Variants in SLC30A9 observed in about 807,000 individuals in gnomAD.
SLC30A9 encodes solute carrier family 30 member 9, also known as proton-coupled zinc antiporter SLC30A9, mitochondrial.
Under a neutral mutation model 87.5 loss-of-function variants are expected in SLC30A9, and 58 were observed. The ratio of observed to expected loss-of-function variants is 0.66; its 90% confidence interval spans 0.54 to 0.82. The LOEUF is 0.82. Among genes scored for constraint, SLC30A9 ranks in the 40% least tolerant of loss-of-function variants. The pLI is 0.00. For missense variants in SLC30A9, 557 were observed against 679.1 expected, an observed-to-expected ratio of 0.82 and a Z score of 2.00; for synonymous variants, 234 against 233.0, an observed-to-expected ratio of 1.00 and a Z score of -0.04.
intron 4 of SLC30A9, among the ~76,000 whole-genome samples, chr4:42,022,402 A>G (rs1716005611): frequency 6.7e-6 from 1 of 148,534 alleles, no homozygotes. Flanking sequence ...TAATTTTTGT[A>G]TTTTTTTTTA....
At chr4:42,012,872 C>T (rs1313628955) in intron 2 of SLC30A9, among the ~76,000 whole-genome samples, 1 of 152,008 alleles carries the variant, frequency 6.6e-6, no homozygotes, top group East Asian at 1.9e-4. Flanking sequence ...ATCCAAGAGA[C>T]AACAAAGAAC....
chr4:42,083,428 T>C (rs78798693), intron 17 of SLC30A9, among the ~76,000 whole-genome samples: 1,685 of 152,324 alleles, frequency 0.011, 26 homozygotes, highest in African/African-American at 0.039. Flanking sequence ...TAAATATTAG[T>C]TTCTACTATA....
At position 42,066,519 on chromosome 4, in the gene SLC30A9, T is replaced by C; in HGVS notation, c.1073-31T>C. On this transcript the variant is annotated intron_variant, in intron 12 of 17. Coordinates refer to ENST00000264451, the MANE Select transcript of SLC30A9 (RefSeq NM_006345.4). ...TTAAAGTTTGGAGGCATGAAGTTTC[T>C]GTCTTGCTGATATGAATGCTTTTCT... 3.4e-6 allele frequency: 5 copies of C among 1,474,178 alleles called. No individual in the cohort carries two copies. In the South Asian group the frequency reaches 3.7e-5, roughly 11 times the overall value. 91.3% of individuals were successfully genotyped at this position (1,474,178 alleles called of 1,614,324 possible).
At position 42,089,188 on chromosome 4, in the gene SLC30A9, A is replaced by G. The variant is rs910667397; in HGVS notation, c.*3062A>G. ...TCCTTCTTGCCCAAAACTAAAATCT[A>G]GGATTTATCAAAGGTGAGGTATACA... is the stretch of plus-strand genomic sequence containing the variant. On this transcript the variant is annotated 3_prime_UTR_variant, in exon 18 of 18. Transcript: ENST00000264451. 2.6e-5 allele frequency: 4 copies of G among 152,304 alleles called. No homozygotes were observed. Among genetic ancestry groups the G allele is most frequent in the South Asian group, 4.1e-4 (2 of 4,822 alleles). 9.4% of individuals were successfully genotyped at this position (152,304 alleles called of 1,614,324 possible).
intron 17 of SLC30A9, among the ~76,000 whole-genome samples, chr4:42,085,824 G>A (rs1718904752): frequency 6.6e-6 from 1 of 151,654 alleles, no homozygotes; most frequent in Non-Finnish European, 1.5e-5. Context: ...TGCTTGGCAT[G>A]TACTAGATCC....
intron 8 of SLC30A9, among the ~76,000 whole-genome samples, chr4:42,044,627 A>C (rs1161349334): frequency 6.6e-6 from 1 of 152,190 alleles, no homozygotes; most frequent in Non-Finnish European, 1.5e-5. Flanking sequence ...GGACACTTTA[A>C]CCCCTCATTG....
At chr4:41,993,681 C>T (rs895844208) in intron 1 of SLC30A9, among the ~76,000 whole-genome samples, 9 of 152,018 alleles carry the variant, frequency 5.9e-5, no homozygotes, top group Non-Finnish European at 1.3e-4. Flanking sequence ...TGCCCTCTGA[C>T]CTAACAGTTT....
rs113466223 is a variant in SLC30A9, at chr4:42,017,684, T to C, written c.275-427T>C. 9.0e-3 allele frequency among the ~76,000 whole-genome samples: 1,368 copies of C among 152,222 alleles called. 22 individuals carry two copies. The highest frequency in any genetic ancestry group is 0.032 in the African/African-American group (1,316 of 41,546). On this transcript the variant is annotated intron_variant, in intron 2 of 17. Coordinates refer to ENST00000264451, the MANE Select transcript of SLC30A9 (RefSeq NM_006345.4). Reference sequence around the variant, plus strand: ...CCACTTAATAATCATTCTTTATTGATTGAATGGTATCTCTGGTACAGTTTT... The same window carrying C: ...CCACTTAATAATCATTCTTTATTGACTGAATGGTATCTCTGGTACAGTTTT...
rs148664683 is a variant in SLC30A9, at chr4:41,999,612, C to A, written c.110-2004C>A. Among the ~76,000 whole-genome samples, 467 of 152,060 alleles carry A rather than the reference C, an allele frequency of 3.1e-3. 2 individuals carry two copies. Among genetic ancestry groups the A allele is most frequent in the Non-Finnish European group, 4.7e-3 (320 of 67,948 alleles). On this transcript the variant is annotated intron_variant, in intron 1 of 17. Coordinates refer to ENST00000264451, the MANE Select transcript of SLC30A9 (RefSeq NM_006345.4). ...CCATAGGAATTCAGTCAGCAAAATT[C>A]AGCCTGGGAAACTACCAGGACAAAA...
chr4:42,003,541 T>C lies in SLC30A9; in HGVS notation c.274+1761T>C, dbSNP rs183867541. ...TGATGAATTATTCCCTCTATCATTG[T>C]GCAGCTACTGTTTTTCTTTAGTGAG... is the stretch of plus-strand genomic sequence containing the variant. On this transcript the variant is annotated intron_variant, in intron 2 of 17. Coordinates refer to ENST00000264451, the MANE Select transcript of SLC30A9 (RefSeq NM_006345.4). Among the ~76,000 whole-genome samples, 157 of 152,288 alleles carry C rather than the reference T, an allele frequency of 1.0e-3. 1 individual carries two copies. The highest frequency in any genetic ancestry group is 3.7e-3 in the African/African-American group (152 of 41,578).
At position 42,066,622 on chromosome 4, in the gene SLC30A9, G is replaced by T. The variant is rs750655715; in HGVS notation, c.1144+1G>T. The T allele has an allele frequency of 1.9e-6, 3 of 1,600,172 alleles. No individual in the cohort carries two copies. Among genetic ancestry groups the T allele is most frequent in the Non-Finnish European group, 2.6e-6 (3 of 1,170,280 alleles). ...AAAGGAATGTCATTTTACAAGTATG[G>T]TATGTATTTTAGAAACCAAGTGTTT... On this transcript the variant is annotated splice_donor_variant, in intron 13 of 17. Coordinates refer to ENST00000264451, the MANE Select transcript of SLC30A9 (RefSeq NM_006345.4). LOFTEE classifies it high-confidence loss of function.
chr4:42,062,734 C>G (rs759963055), intron 10 of SLC30A9, among the ~76,000 whole-genome samples: 7 of 152,142 alleles, frequency 4.6e-5, no homozygotes, highest in Non-Finnish European at 1.0e-4. Flanking sequence ...CTCTCTAAAT[C>G]AAAATAGGCT....
chr4:42,039,729 G>A (rs1029438329), intron 8 of SLC30A9, among the ~76,000 whole-genome samples: 1 of 152,052 alleles, frequency 6.6e-6, no homozygotes, highest in Admixed American at 6.6e-5. Flanking sequence ...CCAAAGTGCT[G>A]GGATTACAGG....
intron 9 of SLC30A9, among the ~76,000 whole-genome samples, chr4:42,057,179 A>AG (rs1461380961): frequency 3.3e-5 from 5 of 152,130 alleles, no homozygotes; most frequent in Admixed American, 6.5e-5. Flanking sequence ...TGGGATATGG[A>AG]GGGCAATGGC....
chr4:42,007,672 G>A (rs1715271343), intron 2 of SLC30A9, among the ~76,000 whole-genome samples: 2 of 152,086 alleles, frequency 1.3e-5, no homozygotes, highest in Non-Finnish European at 1.5e-5. Context: ...CAGGAGAATC[G>A]CTCGAACCCA....
intron 3 of SLC30A9, chr4:42,018,573 T>C (rs2153135055): frequency 2.2e-6 from 1 of 450,614 alleles, no homozygotes; most frequent in East Asian, 8.6e-5. Context: ...TGTTTGTAGC[T>C]CTCTTCTGTA....
At chr4:42,062,786 T>C (rs1020618628) in intron 10 of SLC30A9, among the ~76,000 whole-genome samples, 200 bp from the exon 11 acceptor site, 2 of 152,226 alleles carry the variant, frequency 1.3e-5, no homozygotes, top group African/African-American at 4.8e-5. Flanking sequence ...TAAATGGTAT[T>C]CACTTTATGT....
chr4:42,065,259 T>C (rs375956527), intron 11 of SLC30A9, 51 bp from the exon 12 acceptor site: 6 of 920,628 alleles, frequency 6.5e-6, no homozygotes, highest in Non-Finnish European at 1.1e-5. Flanking sequence ...ATATGAACAA[T>C]TGTGATTGGA....
chr4:42,022,686 A>G, intron 4 of SLC30A9, 152 bp from the exon 5 acceptor site: 1 of 446,468 alleles, frequency 2.2e-6, no homozygotes, highest in Admixed American at 3.9e-5. Flanking sequence ...ACAAAATGTC[A>G]TCTTTAAACT....
Sources: allele counts gnomAD v4.1 joint callset (sites outside exome capture counted in the v4.1 genomes callset), GRCh38; gene constraint gnomAD v4.1.1; transcripts MANE v1.5; gene names NCBI Gene and HGNC (gene_info 2026-07-23, HGNC 2026-07-21).